The following MYO5A variants were observed in gnomAD, a reference collection of about 807,000 sequenced individuals.
MYO5A encodes the protein unconventional myosin-Va.
In MYO5A, 98 loss-of-function variants were observed where a neutral mutation model predicts 249.7. The observed-to-expected ratio is 0.39, with a 90% CI of 0.33 to 0.46. The LOEUF (loss-of-function observed/expected upper bound fraction) is 0.46, where lower values mean the gene tolerates loss of function less well. Ranked by LOEUF, MYO5A falls within the 20% of genes least tolerant of loss-of-function variation. MYO5A has a pLI of 0.98. For missense variants in MYO5A, 1,696 were observed against 2,308.8 expected (o/e 0.73, Z 5.44); for synonymous variants, 778 against 810.6 (o/e 0.96, Z 0.68).
intron 3 of MYO5A, among the ~76,000 whole-genome samples, chr15:52,426,903 AG>A (rs1279253536): frequency 6.6e-6 from 1 of 152,168 alleles, no homozygotes; most frequent in African/African-American, 2.4e-5. Flanking sequence ...AAAATAATGC[AG>A]GGAAGAAAGA....
At position 52,410,492 on chromosome 15, in the gene MYO5A, GA is replaced by G. The variant is rs1166923629; in HGVS notation, c.613-17del. 1 of 1,604,316 alleles carries G rather than the reference GA, an allele frequency of 6.2e-7. No individual in the cohort carries two copies. Among genetic ancestry groups the G allele is most frequent in the South Asian group, 1.1e-5 (1 of 90,878 alleles). The stretch of plus-strand genomic sequence containing the variant: ...TTCCAATGGACTAAAAAGCAAGGGA[GA>G]AAATAAGATTTTAGAAGTGTAATTC... On this transcript the variant is annotated splice_polypyrimidine_tract_variant and intron_variant, in intron 5 of 41. Coordinates refer to ENST00000399233, the MANE Select transcript of MYO5A (RefSeq NM_001382347.1).
intron 4 of MYO5A, among the ~76,000 whole-genome samples, chr15:52,416,641 G>C (rs951668768): frequency 1.3e-5 from 2 of 152,212 alleles, no homozygotes; most frequent in African/African-American, 4.8e-5. Flanking sequence ...GTGTGGGGGA[G>C]ATCTGTGCAG....
At chr15:52,469,870 C>T (rs1423214959) in intron 1 of MYO5A, among the ~76,000 whole-genome samples, 1 of 152,148 alleles carries the variant, frequency 6.6e-6, no homozygotes, top group Non-Finnish European at 1.5e-5. Context: ...AGTTGGCTTC[C>T]GTTAATTGCT....
At chr15:52,418,048 G>A (rs1165528044) in intron 4 of MYO5A, among the ~76,000 whole-genome samples, 1 of 152,168 alleles carries the variant, frequency 6.6e-6, no homozygotes, top group African/African-American at 2.4e-5. Context: ...AAATGAGTAA[G>A]AGAAAGCAAG....
At chr15:52,378,643 C>T (rs2041571955) in intron 18 of MYO5A, among the ~76,000 whole-genome samples, 1 of 145,870 alleles carries the variant, frequency 6.9e-6, no homozygotes, top group African/African-American at 2.5e-5. Context: ...AAAAAAAAGG[C>T]ATCACATTTA....
chr15:52,501,876 T>TACACACAC (rs10552352), intron 1 of MYO5A, among the ~76,000 whole-genome samples: 7 of 140,530 alleles, frequency 5.0e-5, no homozygotes, highest in East Asian at 2.1e-4. Flanking sequence ...ATACATATAC[T>TACACACAC]ACACACACAC....
chr15:52,454,585 G>C lies in MYO5A; in HGVS notation c.28-21300C>G, dbSNP rs2076082188. On this transcript the variant is annotated intron_variant, in intron 1 of 41. Transcript: ENST00000399233. ...TCATCAGCACATGAAATATTCTCCA[G>C]AATAGAACATAACTTGGGCCACAAA... Among the ~76,000 whole-genome samples the C allele has an allele frequency of 1.3e-5, 2 of 152,014 alleles. 1 individual carries two copies. Among genetic ancestry groups the C allele is most frequent in the South Asian group, 4.1e-4 (2 of 4,826 alleles).
chr15:52,427,748 T>G (rs1396690707), intron 3 of MYO5A, among the ~76,000 whole-genome samples: 1 of 151,540 alleles, frequency 6.6e-6, no homozygotes, highest in African/African-American at 2.4e-5. Context: ...GAAAGAATGG[T>G]AAGACGTCAG....
At chr15:52,407,456 C>T in intron 7 of MYO5A, 57 bp from the exon 8 acceptor site, 1 of 1,210,870 alleles carries the variant, frequency 8.3e-7, no homozygotes, top group Non-Finnish European at 1.2e-6. Flanking sequence ...GCCTTCTAAC[C>T]TTATGTCCAC....
Position 52,383,177 on chromosome 15 carries a change from G to A in MYO5A, c.1926C>T (p.Ser642=), listed in dbSNP as rs755808925. The A allele has an allele frequency of 5.6e-6, 9 of 1,613,532 alleles. No homozygotes were observed. Among genetic ancestry groups the A allele is most frequent in the South Asian group, 2.2e-5 (2 of 91,080 alleles). ...KKTVGHQFRN[S]LHLLMETLNA... is the part of the protein sequence containing the mutation. ...TGAGTGTCTCCATAAGCAGGTGCAG[G>A]GAGTTTCTGAACTGCATGAAAAAGG... The change falls in exon 16 of 42, where the codon TCC becomes TCT. Residue 642 remains serine, a synonymous_variant. Transcript: ENST00000399233.
At position 52,389,222 on chromosome 15, in the gene MYO5A, T is replaced by C; in HGVS notation, c.1668+16A>G. The stretch of plus-strand genomic sequence containing the variant: ...TTAAGTATTCAAAAAGAAAAACTGA[T>C]ATAAAGCTTCCTTACTTTGTCAGCA... On this transcript the variant is annotated intron_variant, in intron 13 of 41. Coordinates refer to ENST00000399233, the MANE Select transcript of MYO5A (RefSeq NM_001382347.1). The C allele has an allele frequency of 2.5e-6, 4 of 1,610,834 alleles. No homozygotes were observed. The highest frequency in any genetic ancestry group is 2.2e-5 in the East Asian group (1 of 44,768).
intron 23 of MYO5A, 79 bp from the exon 24 acceptor site, chr15:52,364,781 A>G: frequency 6.5e-7 from 1 of 1,535,092 alleles, no homozygotes; most frequent in Non-Finnish European, 8.9e-7. Context: ...ACTGATTTCC[A>G]GTTTCTCTGT....
At chr15:52,391,903 C>A (rs1467541542) in intron 12 of MYO5A, 27 bp downstream of exon 12, 2 of 1,608,424 alleles carry the variant, frequency 1.2e-6, no homozygotes, top group Non-Finnish European at 1.7e-6. Flanking sequence ...TTTTGATAAA[C>A]CAAGTACCCC....
chr15:52,528,056 T>TA (rs1244101005), intron 1 of MYO5A, among the ~76,000 whole-genome samples: 2 of 152,288 alleles, frequency 1.3e-5, no homozygotes, highest in Admixed American at 1.3e-4. Context: ...AAGAAAAGAC[T>TA]GCCACTTCCC....
At chr15:52,407,505 G>T in intron 7 of MYO5A, 106 bp from the exon 8 acceptor site, 2 of 646,688 alleles carry the variant, frequency 3.1e-6, no homozygotes, top group Non-Finnish European at 5.5e-6. Flanking sequence ...TGAGTGTACA[G>T]CATCTAGAGT....
In MYO5A at chr15:52,343,062, T is replaced by G. The variant is rs1364939409; in HGVS notation, c.4040+55A>C. ...AGGGGTGAAAGTCAGGAGGTCACTG[T>G]TAGTAAGAAAAACAACAAATTAATA... On this transcript the variant is annotated intron_variant, in intron 31 of 41. Transcript: ENST00000399233. The G allele has an allele frequency of 8.3e-6, 12 of 1,440,380 alleles. 1 individual carries two copies. Among genetic ancestry groups the G allele is most frequent in the Non-Finnish European group, 6.8e-6 (7 of 1,021,930 alleles). 89.2% of individuals were successfully genotyped at this position (1,440,380 alleles called of 1,614,324 possible). A position where few individuals can be genotyped will look rare whatever the true frequency, so the allele number is the denominator to read the frequency against.
intron 34 of MYO5A, among the ~76,000 whole-genome samples, chr15:52,335,696 T>C (rs1446001256): frequency 2.0e-5 from 3 of 152,152 alleles, no homozygotes; most frequent in African/African-American, 7.2e-5. Context: ...AATTTTTTCA[T>C]CATCATCATA....
Position 52,405,396 on chromosome 15 carries a change from G to A in MYO5A, c.947-3C>T. The A allele has an allele frequency of 6.3e-7, 1 of 1,587,060 alleles. No individual in the cohort carries two copies. Among genetic ancestry groups the A allele is most frequent in the South Asian group, 1.1e-5 (1 of 90,504 alleles). On this transcript the variant is annotated splice_polypyrimidine_tract_variant and splice_region_variant and intron_variant, in intron 8 of 41. Transcript: ENST00000399233. Reference sequence around the variant, plus strand: ...CATTTGATGAGATTCACTAATTCCTGAAACAAGAGAGTGAATGAACAAGTG... The same window carrying A: ...CATTTGATGAGATTCACTAATTCCTAAAACAAGAGAGTGAATGAACAAGTG...
At chr15:52,373,954 A>AAAATAAATAAAT (rs10692704) in intron 20 of MYO5A, among the ~76,000 whole-genome samples, 169 of 148,324 alleles carry the variant, frequency 1.1e-3, no homozygotes, top group East Asian at 3.2e-3. Context: ...ACTTCAAATA[A>AAAATAAATAAAT]AAATAAATAA....
Sources: allele counts gnomAD v4.1 joint callset (sites outside exome capture counted in the v4.1 genomes callset), GRCh38; gene constraint gnomAD v4.1.1; transcripts MANE v1.5; gene names NCBI Gene and HGNC (gene_info 2026-07-23, HGNC 2026-07-21).